C10orf90: variants seen among roughly 807,000 people sequenced by gnomAD.
C10orf90 encodes the protein (E2-independent) E3 ubiquitin-conjugating enzyme FATS.
Under a neutral mutation model 62.5 loss-of-function variants are expected in C10orf90, and 56 were observed. The ratio of observed to expected loss-of-function variants is 0.90; its 90% CI spans 0.72 to 1.12. The LOEUF (loss-of-function observed/expected upper bound fraction) is 1.12. Ranked by LOEUF, C10orf90 falls within the 50% of genes most tolerant of loss-of-function variation. C10orf90 has a pLI of 0.00. For missense variants in C10orf90, 970 were observed against 880.4 expected (o/e 1.10, Z -1.29); for synonymous variants, 386 against 340.4 (o/e 1.13, Z -1.47).
At position 126,505,020 on chromosome 10, in the gene C10orf90, C is replaced by G. The variant is rs796906801; in HGVS notation, c.471G>C (p.Glu157Asp). ...SSIVISQMID[E>D]NKSRENRASL... ...AGGCCCTGTTTTCTCTTGACTTATT[C>G]TCATCAATCATCTGGGAGATGACTA... Residue 157 changes from glutamate (E) to aspartate (D), a missense_variant, in exon 4 of 10, where the codon GAG (glutamate) becomes GAC (aspartate). Coordinates refer to ENST00000488181, the MANE Select transcript of C10orf90 (RefSeq NM_001350921.2). 7.4e-6 allele frequency: 12 copies of G among 1,614,170 alleles called. 1 individual carries two copies. In the African/African-American group the frequency reaches 1.5e-4, roughly 20 times the overall value.
intron 2 of C10orf90, among the ~76,000 whole-genome samples, chr10:126,608,937 G>C (rs1845372645): frequency 6.6e-6 from 1 of 152,060 alleles, no homozygotes. Flanking sequence ...AAAACTCTTC[G>C]GGGCCTCCAA....
chr10:126,526,365 C>A (rs1350800165), intron 2 of C10orf90, among the ~76,000 whole-genome samples: 1 of 151,998 alleles, frequency 6.6e-6, no homozygotes, highest in Non-Finnish European at 1.5e-5. Flanking sequence ...CTGCCTCAGC[C>A]TCCCAAGCAG....
chr10:126,431,284 G>A (rs1399713733), intron 7 of C10orf90, among the ~76,000 whole-genome samples: 1 of 152,004 alleles, frequency 6.6e-6, no homozygotes, highest in East Asian at 1.9e-4. Context: ...CAGGGTGCAA[G>A]GTCACTCCTC....
intron 2 of C10orf90, among the ~76,000 whole-genome samples, chr10:126,644,733 G>C (rs78626365): frequency 1.3e-5 from 2 of 152,170 alleles, no homozygotes; most frequent in Non-Finnish European, 2.9e-5. Flanking sequence ...CTAAGATAAA[G>C]AGGACCAAGG....
At chr10:126,443,678 C>T (rs569150073) in intron 7 of C10orf90, among the ~76,000 whole-genome samples, 3 of 152,074 alleles carry the variant, frequency 2.0e-5, no homozygotes, top group East Asian at 1.9e-4. Context: ...ATTCATGAAG[C>T]CAGCATCACC....
chr10:126,575,406 T>C (rs955781355), intron 2 of C10orf90, among the ~76,000 whole-genome samples: 8 of 151,686 alleles, frequency 5.3e-5, no homozygotes, highest in African/African-American at 1.9e-4. Context: ...TACAAAACAC[T>C]GATGAAAGAA....
chr10:126,563,873 G>A (rs1358878735), intron 2 of C10orf90, among the ~76,000 whole-genome samples: 1 of 152,138 alleles, frequency 6.6e-6, no homozygotes, highest in African/African-American at 2.4e-5. Context: ...TCCTGTGCAG[G>A]GCCAGATGAG....
chr10:126,574,626 T>C (rs1388436144), intron 2 of C10orf90, among the ~76,000 whole-genome samples: 1 of 151,934 alleles, frequency 6.6e-6, no homozygotes, highest in Non-Finnish European at 1.5e-5. Context: ...AATCAATCAA[T>C]GCAATATACA....
At chr10:126,619,623 G>T (rs921142176) in intron 2 of C10orf90, among the ~76,000 whole-genome samples, 18 of 152,022 alleles carry the variant, frequency 1.2e-4, no homozygotes, top group African/African-American at 1.9e-4. Context: ...TAAAAACTTG[G>T]TTGTTTTTTT....
intron 2 of C10orf90, among the ~76,000 whole-genome samples, chr10:126,602,968 G>GGA (rs369135995): frequency 2.1e-4 from 32 of 150,964 alleles, no homozygotes; most frequent in South Asian, 6.4e-4. Context: ...TGGGGAGAAG[G>GGA]GAGAGAGAGA....
chr10:126,631,381 T>G (rs1011394532), intron 2 of C10orf90, among the ~76,000 whole-genome samples: 3 of 152,088 alleles, frequency 2.0e-5, no homozygotes, highest in Admixed American at 2.0e-4. Flanking sequence ...AGATCCTGCT[T>G]CCTCTCCTGG....
intron 7 of C10orf90, among the ~76,000 whole-genome samples, chr10:126,447,255 A>G (rs1251671104): frequency 6.6e-6 from 1 of 152,122 alleles, no homozygotes; most frequent in Non-Finnish European, 1.5e-5. Flanking sequence ...GGTTAAAAAA[A>G]AAAAAGACCT....
intron 4 of C10orf90, among the ~76,000 whole-genome samples, chr10:126,489,328 A>G (rs760623712): frequency 6.6e-6 from 1 of 152,162 alleles, no homozygotes; most frequent in African/African-American, 2.4e-5. Flanking sequence ...ACACCAATGC[A>G]TAAAAAAGTT....
intron 2 of C10orf90, among the ~76,000 whole-genome samples, chr10:126,595,361 G>A (rs1314340611): frequency 2.6e-5 from 4 of 152,200 alleles, no homozygotes; most frequent in Admixed American, 2.6e-4. Flanking sequence ...TGCTTGCAGA[G>A]CCTTTGGACG....
chr10:126,622,053 C>A (rs1392141697), intron 2 of C10orf90, among the ~76,000 whole-genome samples: 1 of 152,058 alleles, frequency 6.6e-6, no homozygotes, highest in Non-Finnish European at 1.5e-5. Context: ...GGGTCCTCCT[C>A]CCATTTTCTC....
intron 2 of C10orf90, among the ~76,000 whole-genome samples, chr10:126,578,828 CA>C (rs1034886595): frequency 5.3e-5 from 8 of 151,934 alleles, no homozygotes; most frequent in African/African-American, 1.9e-4. Context: ...AGGTCAAACA[CA>C]AAAAAACACA....
At chr10:126,642,964 C>T (rs1267554793) in intron 2 of C10orf90, among the ~76,000 whole-genome samples, 3 of 152,298 alleles carry the variant, frequency 2.0e-5, no homozygotes, top group South Asian at 4.1e-4. Context: ...CTTATCCCAA[C>T]AGCATGTAAA....
chr10:126,504,145 C>CG lies in C10orf90; in HGVS notation c.1345dup (p.Arg449ProfsTer28). ...ACAAGCGCCGGTCCCCAAATGCACC[C>CG]GCCTCAACGATGGGGTTTCCTTCAA... On this transcript the variant is annotated frameshift_variant, in exon 4 of 10. Transcript: ENST00000488181. LOFTEE classifies it high-confidence loss of function. This position sits in a 1 kb window ranked among gnomAD's most constrained non-coding sequence, Gnocchi z 4.1. The CG allele has an allele frequency of 6.2e-7, 1 of 1,614,178 alleles. No homozygotes were observed. Among genetic ancestry groups the CG allele is most frequent in the South Asian group, 1.1e-5 (1 of 91,076 alleles).
intron 2 of C10orf90, among the ~76,000 whole-genome samples, chr10:126,556,062 C>G (rs1331754349): frequency 6.6e-6 from 1 of 152,188 alleles, no homozygotes; most frequent in Non-Finnish European, 1.5e-5. Flanking sequence ...TCTGGCCTAG[C>G]CTGCATCAGA....
Sources: allele counts gnomAD v4.1 joint callset (sites outside exome capture counted in the v4.1 genomes callset), GRCh38; gene constraint gnomAD v4.1.1; non-coding constraint Gnocchi (gnomAD v3.1); transcripts MANE v1.5; gene names NCBI Gene and HGNC (gene_info 2026-07-23, HGNC 2026-07-21).